Variants in ZNF609 observed in about 807,000 individuals in gnomAD.
ZNF609 encodes zinc finger protein 609.
In ZNF609, 11 loss-of-function variants were observed where a neutral mutation model predicts 109.5. The observed-to-expected ratio is 0.10, with a 90% CI of 0.06 to 0.17. The LOEUF (loss-of-function observed/expected upper bound fraction) is 0.17, where lower values mean the gene tolerates loss of function less well. ZNF609 is among the 10% of genes least tolerant of loss of function. ZNF609 has a pLI of 1.00. For synonymous variants in ZNF609, 646 were observed against 662.0 expected (o/e 0.98, Z 0.37); for missense variants, 1,559 against 1,772.4 (o/e 0.88, Z 2.16).
chr15:64,541,237 C>T (rs927855379), intron 2 of ZNF609, among the ~76,000 whole-genome samples: 1 of 150,744 alleles, frequency 6.6e-6, no homozygotes, highest in African/African-American at 2.4e-5. Flanking sequence ...ACCATCCTGG[C>T]TAACACGGTG....
At chr15:64,574,868 C>G (rs915882167) in intron 2 of ZNF609, among the ~76,000 whole-genome samples, 10 of 152,106 alleles carry the variant, frequency 6.6e-5, no homozygotes, top group Non-Finnish European at 1.5e-4. Context: ...GGGTGAACAT[C>G]TGATTTTGAA....
intron 2 of ZNF609, among the ~76,000 whole-genome samples, chr15:64,578,691 C>CA (rs1473006504): frequency 1.3e-5 from 2 of 152,064 alleles, no homozygotes; most frequent in African/African-American, 4.8e-5. Context: ...GACTCTGTCT[C>CA]AAAAAACAAA....
intron 2 of ZNF609, among the ~76,000 whole-genome samples, chr15:64,571,033 A>T (rs570553125): frequency 6.6e-6 from 1 of 152,350 alleles, no homozygotes; most frequent in African/African-American, 2.4e-5. Flanking sequence ...CTCTAAATAC[A>T]TAAATAAAGC....
chr15:64,664,639 T>C (rs1896623053), intron 3 of ZNF609, among the ~76,000 whole-genome samples: 1 of 152,210 alleles, frequency 6.6e-6, no homozygotes, highest in Non-Finnish European at 1.5e-5. Context: ...CGTCCTATTC[T>C]CCAGCTGTCT....
chr15:64,613,710 C>T (rs1343881634), intron 2 of ZNF609, among the ~76,000 whole-genome samples: 2 of 151,788 alleles, frequency 1.3e-5, no homozygotes, highest in South Asian at 2.1e-4. Flanking sequence ...GCCACCATGC[C>T]CGGCTAATTT....
At chr15:64,486,759 G>A (rs1298280364) in intron 1 of ZNF609, among the ~76,000 whole-genome samples, 1 of 151,948 alleles carries the variant, frequency 6.6e-6, no homozygotes, top group Non-Finnish European at 1.5e-5. Flanking sequence ...GGGACTATAG[G>A]CATGTGTCAC....
intron 2 of ZNF609, among the ~76,000 whole-genome samples, chr15:64,561,711 T>G (rs1208844643): frequency 6.6e-6 from 1 of 152,110 alleles, no homozygotes; most frequent in Non-Finnish European, 1.5e-5. Context: ...CATAATAATT[T>G]TCATTCCTGA....
intron 2 of ZNF609, among the ~76,000 whole-genome samples, chr15:64,609,820 G>T (rs1895688919): frequency 6.6e-6 from 1 of 150,768 alleles, no homozygotes; most frequent in African/African-American, 2.4e-5. Context: ...TTGAGGTTAG[G>T]AGTTCAAGAC....
intron 2 of ZNF609, among the ~76,000 whole-genome samples, chr15:64,562,048 A>C (rs1459533678): frequency 6.6e-6 from 1 of 152,206 alleles, no homozygotes; most frequent in African/African-American, 2.4e-5. Flanking sequence ...CTGACATCCA[A>C]ATCATCTTTT....
At chr15:64,584,911 G>A (rs1895170252) in intron 2 of ZNF609, among the ~76,000 whole-genome samples, 1 of 150,798 alleles carries the variant, frequency 6.6e-6, no homozygotes, top group Non-Finnish European at 1.5e-5. Context: ...ACAGGCATGA[G>A]CCACCACGCC....
intron 1 of ZNF609, among the ~76,000 whole-genome samples, chr15:64,490,340 C>T (rs1193834415): frequency 8.0e-5 from 12 of 149,358 alleles, no homozygotes; most frequent in Non-Finnish European, 1.6e-4. Flanking sequence ...ATGGCACGGT[C>T]TCGGCTCACT....
intron 3 of ZNF609, among the ~76,000 whole-genome samples, chr15:64,623,998 T>G (rs1165749240): frequency 6.6e-6 from 1 of 152,146 alleles, no homozygotes; most frequent in Non-Finnish European, 1.5e-5. Context: ...ACAGAGCTAT[T>G]TTGTCAGTCT....
chr15:64,545,198 ATT>A (rs148905128), intron 2 of ZNF609, among the ~76,000 whole-genome samples: 8 of 145,500 alleles, frequency 5.5e-5, no homozygotes, highest in Middle Eastern at 3.2e-3. Context: ...AGTATACAGG[ATT>A]TTTTTTTTTT....
At chr15:64,497,735 T>C (rs1386406141) in intron 1 of ZNF609, among the ~76,000 whole-genome samples, 4 of 151,816 alleles carry the variant, frequency 2.6e-5, no homozygotes, top group African/African-American at 9.7e-5. Context: ...AAACCCCGTC[T>C]CTACTAAGAA....
chr15:64,613,472 C>G (rs972295472), intron 2 of ZNF609, among the ~76,000 whole-genome samples: 1 of 152,150 alleles, frequency 6.6e-6, no homozygotes, highest in Non-Finnish European at 1.5e-5. Context: ...CTTAATTATC[C>G]CATGATGTCT....
At chr15:64,544,270 G>C (rs1894320092) in intron 2 of ZNF609, among the ~76,000 whole-genome samples, 1 of 152,126 alleles carries the variant, frequency 6.6e-6, no homozygotes, top group Non-Finnish European at 1.5e-5. Flanking sequence ...AACTTGGGAG[G>C]CGGAGGTTGC....
At position 64,576,993 on chromosome 15, in the gene ZNF609, CAT is replaced by C. The variant is rs1361537615; in HGVS notation, c.748-45832_748-45831del. On this transcript the variant is annotated intron_variant, in intron 2 of 9. Coordinates refer to ENST00000326648, the MANE Select transcript of ZNF609 (RefSeq NM_015042.2). ...ATAAATATATATATGTATGTATACA[CAT>C]AAATATATATATGTATGTATACACA... 1.7e-4 allele frequency among the ~76,000 whole-genome samples: 22 copies of C among 129,650 alleles called. 1 individual carries two copies. The highest frequency in any genetic ancestry group is 6.3e-4 in the African/African-American group (22 of 35,190). The allele number at this position is 129,650 out of a possible 152,430, so 85.1% of individuals were successfully genotyped here. A position where few individuals can be genotyped will look rare whatever the true frequency, so the allele number is the denominator to read the frequency against.
intron 5 of ZNF609, among the ~76,000 whole-genome samples, chr15:64,677,484 A>T (rs960260274): frequency 4.6e-5 from 7 of 152,154 alleles, no homozygotes; most frequent in South Asian, 2.1e-4. Flanking sequence ...AGGTATCTCG[A>T]TTCCTTGTCC....
intron 2 of ZNF609, among the ~76,000 whole-genome samples, chr15:64,607,753 CCTT>C (rs1340882168): frequency 6.6e-6 from 1 of 151,854 alleles, no homozygotes; most frequent in African/African-American, 2.4e-5. Flanking sequence ...GATCCACCCT[CCTT>C]GGCCCCCCAA....
Sources: allele counts gnomAD v4.1 joint callset (sites outside exome capture counted in the v4.1 genomes callset), GRCh38; gene constraint gnomAD v4.1.1; transcripts MANE v1.5; gene names NCBI Gene and HGNC (gene_info 2026-07-23, HGNC 2026-07-21).